The following GRIP1 variants were observed in gnomAD, a reference collection of about 807,000 sequenced individuals.
GRIP1 encodes glutamate receptor interacting protein 1.
Under a neutral mutation model 129.9 loss-of-function variants are expected in GRIP1, and 45 were observed. The ratio of observed to expected loss-of-function variants is 0.35; its 90% CI spans 0.27 to 0.44. GRIP1 has a LOEUF of 0.44. Among genes scored for constraint, GRIP1 ranks in the 20% least tolerant of loss-of-function variants. The pLI, the probability that GRIP1 is intolerant of heterozygous loss-of-function variation, is 1.00. For missense variants in GRIP1, 1,196 were observed against 1,396.8 expected, an observed-to-expected ratio of 0.86 and a Z score of 2.29; for synonymous variants, 530 against 520.8, an observed-to-expected ratio of 1.02 and a Z score of -0.24.
At chr12:66,879,259 A>G (rs1303840171) in intron 1 of GRIP1, among the ~76,000 whole-genome samples, 3 of 144,966 alleles carry the variant, frequency 2.1e-5, no homozygotes, top group Non-Finnish European at 4.7e-5. Flanking sequence ...AGTCTGAAGT[A>G]GCTTGCAAAA....
At chr12:66,601,037 G>A (rs940900336) in intron 1 of GRIP1, among the ~76,000 whole-genome samples, 2 of 152,188 alleles carry the variant, frequency 1.3e-5, no homozygotes, top group Non-Finnish European at 2.9e-5. Flanking sequence ...GACATCTCAT[G>A]AGGCTAGGGA....
chr12:66,911,661 T>C (rs1467673144), intron 1 of GRIP1, among the ~76,000 whole-genome samples: 2 of 152,186 alleles, frequency 1.3e-5, no homozygotes, highest in Admixed American at 6.5e-5. Flanking sequence ...AAATTGGATA[T>C]AATAAAATAT....
intron 1 of GRIP1, among the ~76,000 whole-genome samples, chr12:67,065,878 T>C (rs2043615758): frequency 6.6e-6 from 1 of 152,166 alleles, no homozygotes; most frequent in African/African-American, 2.4e-5. Context: ...TTTAATTTGA[T>C]TGGAAGAGAT....
At position 66,723,309 on chromosome 12, in the gene GRIP1, T is replaced by TCTTTC. The variant is rs1283214426; in HGVS notation, c.-420+80743_-420+80744insGAAAG. ...CTTTCTTTCTTTCTTTCTTTCTTTT[T>TCTTTC]TTTTTTTTTTTTTTTTTTTTTGAGA... On this transcript the variant is annotated intron_variant, in intron 1 of 4. Transcript: ENST00000538373. Among the ~76,000 whole-genome samples, 241 of 38,308 alleles carry TCTTTC rather than the reference T, an allele frequency of 6.3e-3. 11 individuals are homozygous for TCTTTC. Among genetic ancestry groups the TCTTTC allele is most frequent in the African/African-American group, 0.024 (205 of 8,388 alleles). 25.1% of individuals were successfully genotyped at this position (38,308 alleles called of 152,430 possible).
At chr12:66,961,213 G>C (rs1219160370) in intron 1 of GRIP1, among the ~76,000 whole-genome samples, 1 of 151,896 alleles carries the variant, frequency 6.6e-6, no homozygotes, top group Admixed American at 6.6e-5. Flanking sequence ...CTGAAGAGCA[G>C]AGACGGAGGA....
chr12:66,941,159 G>T (rs184332194), intron 1 of GRIP1, among the ~76,000 whole-genome samples: 1 of 144,050 alleles, frequency 6.9e-6, no homozygotes, highest in Non-Finnish European at 1.6e-5. Context: ...TAATTCATGT[G>T]ATTAAAAAAA....
intron 1 of GRIP1, among the ~76,000 whole-genome samples, chr12:66,718,864 TA>T (rs1274980877): frequency 2.6e-5 from 4 of 151,806 alleles, no homozygotes; most frequent in Non-Finnish European, 5.9e-5. Context: ...AAAAATAAAA[TA>T]AAATAAATAT....
At chr12:66,379,568 CT>C (rs1385047335) in intron 19 of GRIP1, 132 bp from the exon 20 acceptor site, 1 of 919,090 alleles carries the variant, frequency 1.1e-6, no homozygotes, top group African/African-American at 1.6e-5. Context: ...ATAGTGTGTG[CT>C]TATTGTGCAC....
At chr12:66,492,530 AC>A (rs1461814880) in intron 7 of GRIP1, among the ~76,000 whole-genome samples, 3 of 152,204 alleles carry the variant, frequency 2.0e-5, no homozygotes, top group Non-Finnish European at 4.4e-5. Context: ...GACCAGCATG[AC>A]CGCTGTGTAG....
intron 1 of GRIP1, among the ~76,000 whole-genome samples, chr12:66,964,439 C>T (rs889991060): frequency 9.2e-5 from 14 of 151,932 alleles, no homozygotes; most frequent in Non-Finnish European, 2.9e-5. Flanking sequence ...CTCACTAGTC[C>T]CCCATTCACC....
At chr12:66,458,542 G>T (rs1473868079) in intron 9 of GRIP1, among the ~76,000 whole-genome samples, 1 of 152,032 alleles carries the variant, frequency 6.6e-6, no homozygotes, top group East Asian at 1.9e-4. Flanking sequence ...CCACCACCAC[G>T]CCCAGCTAAT....
At position 66,842,022 on chromosome 12, in the gene GRIP1, A is replaced by G. The variant is rs76344406; in HGVS notation, c.58+227028T>C. Among the ~76,000 whole-genome samples, 981 of 152,260 alleles carry G rather than the reference A, an allele frequency of 6.4e-3. 14 individuals carry two copies. The highest frequency in any genetic ancestry group is 0.022 in the African/African-American group (932 of 41,558). On this transcript the variant is annotated intron_variant, in intron 1 of 1. Coordinates refer to the GRIP1 transcript ENST00000643019. ...CAATGATTTATCTACCCTTGCCCCT[A>G]TGCCCTCCCATTATGGAGATTAATT...
At chr12:66,929,397 A>C (rs1566082620) in intron 1 of GRIP1, among the ~76,000 whole-genome samples, 1 of 152,174 alleles carries the variant, frequency 6.6e-6, no homozygotes, top group Non-Finnish European at 1.5e-5. Flanking sequence ...ACATATCATG[A>C]TATAAAATTA....
At chr12:66,606,510 TATAA>T (rs143384459) in intron 1 of GRIP1, among the ~76,000 whole-genome samples, 2,128 of 152,274 alleles carry the variant, frequency 0.014, 55 homozygotes, top group African/African-American at 0.049. Context: ...CTAATAACTT[TATAA>T]ATAATTAGAG....
At chr12:66,793,008 A>T (rs888935889) in intron 1 of GRIP1, among the ~76,000 whole-genome samples, 3 of 152,206 alleles carry the variant, frequency 2.0e-5, no homozygotes, top group Non-Finnish European at 4.4e-5. Flanking sequence ...GAAGAGGAGA[A>T]TATGATTCAT....
intron 13 of GRIP1, among the ~76,000 whole-genome samples, chr12:66,440,762 C>T (rs1407894965): frequency 1.3e-5 from 2 of 152,172 alleles, no homozygotes; most frequent in Non-Finnish European, 2.9e-5. Context: ...AAATAACACC[C>T]CTCTGAACTT....
At chr12:66,570,368 G>C (rs949804661) in intron 2 of GRIP1, among the ~76,000 whole-genome samples, 1 of 152,130 alleles carries the variant, frequency 6.6e-6, no homozygotes, top group Admixed American at 6.5e-5. Flanking sequence ...CCCAGCCTCT[G>C]AAAGTGCTAG....
rs74541190 is a variant in GRIP1, at chr12:66,840,902, G to A, written c.58+228148C>T. On this transcript the variant is annotated intron_variant, in intron 1 of 1. Transcript: ENST00000643019. The stretch of plus-strand genomic sequence containing the variant: ...GTCACTCAGCTACTATTTTCTAACT[G>A]GCTAACATATTTTTAAAATCCTTTT... 6.2e-3 allele frequency among the ~76,000 whole-genome samples: 942 copies of A among 152,106 alleles called. 12 individuals are homozygous for A. The highest frequency in any genetic ancestry group is 0.021 in the African/African-American group (885 of 41,484).
At chr12:66,512,524 A>C (rs990754213) in intron 7 of GRIP1, among the ~76,000 whole-genome samples, 22 of 145,278 alleles carry the variant, frequency 1.5e-4, no homozygotes, top group Non-Finnish European at 3.2e-4. Context: ...GAAGTCCATA[A>C]ATAACTTTGA....
Sources: gnomAD v4.1 joint callset for allele counts (sites outside exome capture counted in the v4.1 genomes callset) on GRCh38, gnomAD v4.1.1 for gene constraint, MANE v1.5 for transcripts, NCBI Gene and HGNC (gene_info 2026-07-23, HGNC 2026-07-21) for gene names.